Variants in MAGI3 observed in about 807,000 individuals in gnomAD.
The protein encoded by MAGI3 is membrane-associated guanylate kinase, WW and PDZ domain-containing protein 3.
A neutral mutation model predicts 121.8 loss-of-function variants in MAGI3; 43 were observed. The ratio of observed to expected loss-of-function variants is 0.35; its 90% confidence interval spans 0.28 to 0.46. The LOEUF (loss-of-function observed/expected upper bound fraction) is 0.46. Among genes scored for constraint, MAGI3 ranks in the 20% least tolerant of loss-of-function variants. MAGI3 has a pLI of 1.00. For synonymous variants in MAGI3, 553 were observed against 639.3 expected (o/e 0.86, Z 2.04); for missense variants, 1,547 against 1,797.3 (o/e 0.86, Z 2.52).
intron 9 of MAGI3, among the ~76,000 whole-genome samples, chr1:113,633,238 ATTTTTT>A (rs71090716): frequency 5.3e-5 from 3 of 56,638 alleles, no homozygotes; most frequent in Non-Finnish European, 3.2e-5. Context: ...TGAACTCATC[ATTTTTT>A]TTTTTTTTTT....
intron 2 of MAGI3, 117 bp from the exon 3 acceptor site, chr1:113,580,425 G>T: frequency 1.2e-6 from 1 of 810,578 alleles, no homozygotes; most frequent in South Asian, 2.5e-5. Flanking sequence ...ATAAAGTTGG[G>T]GCAGGGGAAT....
chr1:113,653,991 A>G lies in MAGI3; in HGVS notation c.2602A>G (p.Thr868Ala). ...TGAAGGATTTGGCTTTGTCATCCTC[A>G]CCTCCAAAAACAAACCACCTCCAGG... ...ENEGFGFVIL[T>A]SKNKPPPGVI... Residue 868 changes from threonine (T) to alanine (A), a missense_variant, in exon 15 of 21, where the codon ACC becomes GCC. Physicochemically the swap from Thr to Ala is moderately conservative, Grantham distance 58. Transcript: ENST00000307546. The G allele has an allele frequency of 6.2e-7, 1 of 1,613,690 alleles. No homozygotes were observed. The highest frequency in any genetic ancestry group is 2.2e-5 in the East Asian group (1 of 44,854).
At chr1:113,421,146 T>C (rs1364962619) in intron 1 of MAGI3, among the ~76,000 whole-genome samples, 1 of 152,158 alleles carries the variant, frequency 6.6e-6, no homozygotes, top group African/African-American at 2.4e-5. Context: ...CCTGAGGCTG[T>C]TGTGCCTCAT....
Position 113,646,603 on chromosome 1 carries a change from G to A in MAGI3, c.2116G>A (p.Glu706Lys). Residue 706 changes from glutamate to lysine, a missense_variant, in exon 12 of 21, where the codon GAG becomes AAG. Physicochemically the swap from Glu to Lys is moderately conservative, Grantham distance 56 (BLOSUM62 1). Transcript: ENST00000307546. ...AGGATCCCCAAAATTGGATCCTTCTGAGGTCTACCTGAAATCTAAGACTTT... is the reference window on the plus strand; with the variant it reads ...AGGATCCCCAAAATTGGATCCTTCTAAGGTCTACCTGAAATCTAAGACTTT... ...RSGSPKLDPS[E>K]VYLKSKTLYE... The A allele has an allele frequency of 1.2e-6, 2 of 1,610,466 alleles. No individual in the cohort carries two copies. Among genetic ancestry groups the A allele is most frequent in the South Asian group, 2.2e-5 (2 of 90,512 alleles).
chr1:113,584,967 C>CA (rs1553202682), intron 3 of MAGI3, among the ~76,000 whole-genome samples: 10 of 135,724 alleles, frequency 7.4e-5, no homozygotes, highest in African/African-American at 2.8e-4. Context: ...TAGATATTTC[C>CA]TTTTTTTTTT....
intron 20 of MAGI3, chr1:113,682,227 G>T (rs775891470): frequency 1.2e-6 from 2 of 1,609,136 alleles, no homozygotes; most frequent in East Asian, 2.2e-5. Context: ...GCTCCTTCCG[G>T]TCTGTGCTCC....
intron 6 of MAGI3, among the ~76,000 whole-genome samples, chr1:113,606,039 C>T (rs571172603): frequency 6.6e-6 from 1 of 152,106 alleles, no homozygotes; most frequent in Admixed American, 6.5e-5. Flanking sequence ...AATCTCTGCT[C>T]ACTGCAGCCT....
chr1:113,416,003 T>TATGTAATTAATG (rs1652285240), intron 1 of MAGI3, among the ~76,000 whole-genome samples: 1 of 89,772 alleles, frequency 1.1e-5, no homozygotes, highest in African/African-American at 3.6e-5. Context: ...TATAATTAAT[T>TATGTAATTAATG]ACATATATTA....
chr1:113,542,028 A>G (rs1318451735), intron 1 of MAGI3, among the ~76,000 whole-genome samples: 5 of 152,126 alleles, frequency 3.3e-5, no homozygotes, highest in Admixed American at 3.3e-4. Context: ...TTTCAGCTAC[A>G]ATGGCACTTA....
chr1:113,570,511 G>A (rs1032167056), intron 2 of MAGI3, among the ~76,000 whole-genome samples: 1 of 152,166 alleles, frequency 6.6e-6, no homozygotes, highest in Non-Finnish European at 1.5e-5. Context: ...CCCACTAACA[G>A]TGTAAAAACG....
At chr1:113,659,489 C>T (rs1379546218) in intron 16 of MAGI3, among the ~76,000 whole-genome samples, 1 of 152,064 alleles carries the variant, frequency 6.6e-6, no homozygotes, top group Non-Finnish European at 1.5e-5. Context: ...GAGTGTGGAC[C>T]GTTTATTTAT....
chr1:113,503,751 T>C (rs1361855450), intron 1 of MAGI3, among the ~76,000 whole-genome samples: 1 of 149,554 alleles, frequency 6.7e-6, no homozygotes, highest in South Asian at 2.3e-4. Context: ...CATTCTCATA[T>C]ATTGGCTTAG....
At position 113,643,729 on chromosome 1, in the gene MAGI3, A is replaced by T; in HGVS notation, c.1967-14A>T. On this transcript the variant is annotated splice_polypyrimidine_tract_variant and intron_variant, in intron 10 of 20. Transcript: ENST00000307546. ...ATCCTCTGGTTTTAAACTTTGGTTC[A>T]TTTTTTTTTTAAGGTCCTCCTTCAC... 7.4e-7 allele frequency: 1 copy of T among 1,358,046 alleles called. No homozygotes were observed. Among genetic ancestry groups the T allele is most frequent in the South Asian group, 1.3e-5 (1 of 75,736 alleles). 84.1% of individuals were successfully genotyped at this position (1,358,046 alleles called of 1,614,324 possible).
At chr1:113,505,080 G>A (rs1413186473) in intron 1 of MAGI3, among the ~76,000 whole-genome samples, 1 of 152,070 alleles carries the variant, frequency 6.6e-6, no homozygotes, top group African/African-American at 2.4e-5. Context: ...TTCATACTCA[G>A]TGGTTAGCAT....
chr1:113,599,947 A>G (rs1261826259), intron 6 of MAGI3, among the ~76,000 whole-genome samples: 1 of 152,238 alleles, frequency 6.6e-6, no homozygotes, highest in South Asian at 2.1e-4. Flanking sequence ...AATCCAGCAT[A>G]TAAACAGAAC....
At chr1:113,643,677 T>C in intron 10 of MAGI3, 66 bp from the exon 11 acceptor site, 2 of 1,446,496 alleles carry the variant, frequency 1.4e-6, no homozygotes, top group Admixed American at 3.4e-5. Context: ...ATCGTAAACA[T>C]TAGCAGTATT....
Position 113,529,018 on chromosome 1 carries a change from CTTATA to C in MAGI3, c.317-20494_317-20490del, listed in dbSNP as rs1176335962. 3.9e-5 allele frequency among the ~76,000 whole-genome samples: 6 copies of C among 152,196 alleles called. No homozygotes were observed. In the South Asian group the frequency reaches 1.2e-3, roughly 32 times the overall value. On this transcript the variant is annotated intron_variant, in intron 1 of 20. Transcript: ENST00000307546. Reference sequence around the variant, plus strand: ...TCGGTCAAAGTTTGCTTATTTAGATCTTATATTTAGTTTTATTCTCTTGAATTTAT... The same window carrying C: ...TCGGTCAAAGTTTGCTTATTTAGATCTTTAGTTTTATTCTCTTGAATTTAT...
At chr1:113,660,436 C>G (rs1653719853) in intron 16 of MAGI3, among the ~76,000 whole-genome samples, 1 of 152,092 alleles carries the variant, frequency 6.6e-6, no homozygotes, top group South Asian at 2.1e-4. Flanking sequence ...CACACCCTCT[C>G]TAAGCTGGGC....
intron 2 of MAGI3, among the ~76,000 whole-genome samples, chr1:113,566,393 C>T (rs1592335): frequency 0.98 from 149,551 of 152,292 alleles, 73,486 homozygotes; most frequent in Non-Finnish European, 1. Flanking sequence ...AGAATACCAA[C>T]TGAATAAAAC....
Sources: gnomAD v4.1 joint callset for allele counts (sites outside exome capture counted in the v4.1 genomes callset) on GRCh38, gnomAD v4.1.1 for gene constraint, MANE v1.5 for transcripts, NCBI Gene and HGNC (gene_info 2026-07-23, HGNC 2026-07-21) for gene names.